Variants in GYPC observed in about 807,000 individuals in gnomAD.
GYPC encodes glycophorin-C.
A neutral mutation model predicts 12.6 loss-of-function variants in GYPC; 14 were observed. That is an observed-to-expected ratio of 1.11 (90% confidence interval 0.74 to 1.74). GYPC has a LOEUF of 1.74. Among genes scored for constraint, GYPC ranks in the 40% most tolerant of loss-of-function variants. The probability of loss-of-function intolerance (pLI) is 0.00; values close to 1 mark genes in which losing one functional copy is unlikely to be tolerated. For synonymous variants in GYPC, 78 were observed against 62.1 expected (o/e 1.26, Z -1.20); for missense variants, 225 against 172.1 (o/e 1.31, Z -1.72).
chr2:126,660,580 A>C (rs1682507825), intron 1 of GYPC, among the ~76,000 whole-genome samples: 1 of 151,990 alleles, frequency 6.6e-6, no homozygotes, highest in Admixed American at 6.6e-5. Flanking sequence ...TGACCTCTCC[A>C]GGGGCTCTGT....
At chr2:126,675,722 C>T in intron 1 of GYPC, 2 of 982,036 alleles carry the variant, frequency 2.0e-6, no homozygotes, top group Middle Eastern at 5.2e-4. Context: ...CTTCAGGATC[C>T]TTCATTGCCC....
chr2:126,672,845 G>C (rs371797324), intron 1 of GYPC, among the ~76,000 whole-genome samples: 14 of 152,220 alleles, frequency 9.2e-5, no homozygotes, highest in African/African-American at 3.4e-4. Context: ...CACTTCCCTG[G>C]CACAATGAAA....
chr2:126,672,306 A>G (rs1682874469), intron 1 of GYPC, among the ~76,000 whole-genome samples: 1 of 152,144 alleles, frequency 6.6e-6, no homozygotes, highest in African/African-American at 2.4e-5. Context: ...AACCTGTGAC[A>G]TGCGGTGGGA....
chr2:126,664,650 A>T (rs1015464644), intron 1 of GYPC, among the ~76,000 whole-genome samples: 1 of 152,198 alleles, frequency 6.6e-6, no homozygotes, highest in East Asian at 1.9e-4. Context: ...AGGAGAAGGG[A>T]CCCATAAGGT....
chr2:126,680,748 C>CA (rs1267837236), intron 1 of GYPC, among the ~76,000 whole-genome samples: 1 of 152,208 alleles, frequency 6.6e-6, no homozygotes, highest in African/African-American at 2.4e-5. Context: ...CTCTTTTCCA[C>CA]AACATGCATG....
intron 1 of GYPC, among the ~76,000 whole-genome samples, chr2:126,683,146 C>G (rs1683194154): frequency 6.6e-6 from 1 of 151,948 alleles, no homozygotes; most frequent in African/African-American, 2.4e-5. Flanking sequence ...GGCGAAAAAC[C>G]CATCTCTACT....
Position 126,659,081 on chromosome 2 carries a change from T to C in GYPC, c.49+2769T>C, listed in dbSNP as rs55881112. Among the ~76,000 whole-genome samples the C allele has an allele frequency of 2.8e-3, 421 of 152,322 alleles. 1 individual carries two copies. Among genetic ancestry groups the C allele is most frequent in the South Asian group, 4.8e-3 (23 of 4,824 alleles). On this transcript the variant is annotated intron_variant, in intron 1 of 3. Coordinates refer to ENST00000259254, the MANE Select transcript of GYPC (RefSeq NM_002101.5). The stretch of plus-strand genomic sequence containing the variant: ...CACACCGGTTTCTCATGCTCACAAA[T>C]AGCCTATGAAAGTCACTATTTCCCT...
At chr2:126,688,477 TG>T (rs1683354634) in intron 1 of GYPC, among the ~76,000 whole-genome samples, 1 of 152,194 alleles carries the variant, frequency 6.6e-6, no homozygotes, top group Non-Finnish European at 1.5e-5. Context: ...AGGCTGCACT[TG>T]TTCACTGTAA....
At chr2:126,678,500 G>A (rs1316793475) in intron 1 of GYPC, 1 of 152,140 alleles carries the variant, frequency 6.6e-6, no homozygotes, top group African/African-American at 2.4e-5. Flanking sequence ...GTGTGCCTCT[G>A]GCCGGCCTGA....
At chr2:126,687,975 G>A (rs1323228949) in intron 1 of GYPC, among the ~76,000 whole-genome samples, 1 of 152,216 alleles carries the variant, frequency 6.6e-6, no homozygotes, top group Non-Finnish European at 1.5e-5. Context: ...GGCTGCCAGG[G>A]CTTCAAATGA....
chr2:126,662,842 G>A (rs1025555287), intron 1 of GYPC, among the ~76,000 whole-genome samples: 1 of 152,088 alleles, frequency 6.6e-6, no homozygotes, highest in African/African-American at 2.4e-5. Flanking sequence ...CGCTCACTGA[G>A]TGTGTGCGTG....
At chr2:126,662,850 G>A (rs28387101) in intron 1 of GYPC, among the ~76,000 whole-genome samples, 5,068 of 152,136 alleles carry the variant, frequency 0.033, 148 homozygotes, top group Middle Eastern at 0.065. Context: ...GAGTGTGTGC[G>A]TGTGTGCTTA....
At chr2:126,661,251 G>C (rs1413774310) in intron 1 of GYPC, among the ~76,000 whole-genome samples, 2 of 152,008 alleles carry the variant, frequency 1.3e-5, no homozygotes, top group Non-Finnish European at 2.9e-5. Flanking sequence ...TTGGTGAGGG[G>C]TGCCTGCCTC....
chr2:126,694,629 T>C (rs1683587046), intron 3 of GYPC, among the ~76,000 whole-genome samples: 1 of 152,166 alleles, frequency 6.6e-6, no homozygotes, highest in Non-Finnish European at 1.5e-5. Flanking sequence ...CCACTGAGCT[T>C]TTATTCTTCC....
At chr2:126,685,181 A>C (rs982689091) in intron 1 of GYPC, among the ~76,000 whole-genome samples, 1 of 152,138 alleles carries the variant, frequency 6.6e-6, no homozygotes, top group Non-Finnish European at 1.5e-5. Context: ...ATGTACTTCA[A>C]CTCTCATCTG....
At chr2:126,666,692 C>G (rs1682687685) in intron 1 of GYPC, among the ~76,000 whole-genome samples, 1 of 148,994 alleles carries the variant, frequency 6.7e-6, no homozygotes, top group Admixed American at 6.7e-5. Context: ...TCTCCTGCCC[C>G]CCTCCCCTCC....
chr2:126,690,405 G>T, intron 2 of GYPC, 94 bp downstream of exon 2: 2 of 969,744 alleles, frequency 2.1e-6, no homozygotes. Context: ...CAGGGTTGGG[G>T]GACTTGGTGA....
intron 1 of GYPC, among the ~76,000 whole-genome samples, chr2:126,659,353 C>T (rs139494309): frequency 1.4e-3 from 217 of 152,316 alleles, no homozygotes; most frequent in Middle Eastern, 0.014. Context: ...CATCACATGA[C>T]GAGTGAGGGG....
intron 1 of GYPC, chr2:126,686,677 G>A (rs1683300614): frequency 2.0e-6 from 2 of 985,418 alleles, no homozygotes; most frequent in African/African-American, 1.7e-5. Context: ...GGGGGACCTT[G>A]CAACCTGGAG....
Sources: allele counts gnomAD v4.1 joint callset (sites outside exome capture counted in the v4.1 genomes callset), GRCh38; gene constraint gnomAD v4.1.1; transcripts MANE v1.5; gene names NCBI Gene and HGNC (gene_info 2026-07-23, HGNC 2026-07-21).